ATP8A1: variants seen among roughly 807,000 people sequenced by gnomAD.
ATP8A1 encodes ATPase phospholipid transporting 8A1, also known as phospholipid-transporting ATPase IA.
ATP8A1 carries 90 observed loss-of-function variants against 177.7 expected under a neutral mutation model. The observed-to-expected ratio is 0.51, with a 90% CI of 0.43 to 0.60. The LOEUF (loss-of-function observed/expected upper bound fraction) is 0.60. ATP8A1 is among the 20% of genes least tolerant of loss of function. The probability of loss-of-function intolerance (pLI) is 0.00; values close to 1 mark genes in which losing one functional copy is unlikely to be tolerated. For missense variants in ATP8A1, 1,072 were observed against 1,392.8 expected (o/e 0.77, Z 3.67); for synonymous variants, 493 against 485.9 (o/e 1.01, Z -0.19).
chr4:42,572,402 T>G (rs963933197), intron 14 of ATP8A1, among the ~76,000 whole-genome samples: 1 of 152,200 alleles, frequency 6.6e-6, no homozygotes, highest in South Asian at 2.1e-4. Context: ...CCATGGAGAC[T>G]GGCTGTAATT....
intron 5 of ATP8A1, among the ~76,000 whole-genome samples, chr4:42,608,046 G>A (rs933866079): frequency 8.5e-5 from 13 of 152,232 alleles, no homozygotes; most frequent in African/African-American, 2.9e-4. Context: ...GGAGAGCTCA[G>A]ACTAAACAAT....
At chr4:42,460,545 G>A (rs1719013233) in intron 27 of ATP8A1, among the ~76,000 whole-genome samples, 1 of 152,034 alleles carries the variant, frequency 6.6e-6, no homozygotes. Context: ...CTGCCACCAT[G>A]CCCAGCTAAT....
intron 31 of ATP8A1, 102 bp from the exon 32 acceptor site, chr4:42,444,736 G>T: frequency 8.5e-7 from 1 of 1,178,104 alleles, no homozygotes. Flanking sequence ...TGTAACTATG[G>T]GACTAGGAGA....
intron 33 of ATP8A1, among the ~76,000 whole-genome samples, chr4:42,436,376 C>G (rs752309463): frequency 6.6e-6 from 1 of 152,220 alleles, no homozygotes; most frequent in Non-Finnish European, 1.5e-5. Context: ...AAACACAATG[C>G]TGGTTCTCGT....
chr4:42,510,395 T>C (rs1358297100), intron 22 of ATP8A1, among the ~76,000 whole-genome samples: 1 of 152,210 alleles, frequency 6.6e-6, no homozygotes, highest in Non-Finnish European at 1.5e-5. Flanking sequence ...ATTTAAATGT[T>C]TACACAATGA....
chr4:42,577,518 C>G (rs566211830), intron 12 of ATP8A1, among the ~76,000 whole-genome samples: 35 of 151,944 alleles, frequency 2.3e-4, no homozygotes, highest in Admixed American at 2.3e-3. Context: ...AAAGAAACAT[C>G]AAAAATAACA....
intron 34 of ATP8A1, 26 bp downstream of exon 34, chr4:42,423,591 C>T: frequency 6.8e-7 from 1 of 1,471,448 alleles, no homozygotes; most frequent in Non-Finnish European, 9.4e-7. Flanking sequence ...CTATATTTCT[C>T]CGTATATAAC....
rs114525328 is a variant in ATP8A1 at position 42,570,605 on chromosome 4, G to A, written c.1296-1400C>T. On this transcript the variant is annotated intron_variant, in intron 14 of 36. Transcript: ENST00000381668. ...CAGAGACCCTCTTCACAACTCTGGC[G>A]CAGCCCTGGAAGAATGCTGAGCACT... Among the ~76,000 whole-genome samples the A allele has an allele frequency of 6.2e-3, 940 of 152,314 alleles. 11 individuals are homozygous for A. The highest frequency in any genetic ancestry group is 0.021 in the African/African-American group (881 of 41,562).
Position 42,627,116 on chromosome 4 carries a change from AAG to A in ATP8A1, c.50-9_50-8del. ...TCATCTGTCTTCTCATAACCTTAAA[AAG>A]AGATCTTCTTATTGTACAAGAAATG... On this transcript the variant is annotated splice_region_variant and splice_polypyrimidine_tract_variant and intron_variant, in intron 1 of 36. Transcript: ENST00000381668. The A allele has an allele frequency of 6.3e-7, 1 of 1,597,680 alleles. No individual in the cohort carries two copies. Among genetic ancestry groups the A allele is most frequent in the Non-Finnish European group, 8.6e-7 (1 of 1,165,490 alleles).
chr4:42,505,219 T>C (rs1269330079), intron 23 of ATP8A1, among the ~76,000 whole-genome samples: 3 of 152,214 alleles, frequency 2.0e-5, no homozygotes, highest in African/African-American at 7.2e-5. Flanking sequence ...ACTTAACCAG[T>C]ACCTGGCACT....
At chr4:42,637,639 G>C (rs1739528996) in intron 1 of ATP8A1, among the ~76,000 whole-genome samples, 1 of 152,190 alleles carries the variant, frequency 6.6e-6, no homozygotes, top group African/African-American at 2.4e-5. Context: ...CCAAAGGCAA[G>C]ACAACATTTG....
chr4:42,584,170 A>G (rs1429741736), intron 9 of ATP8A1, among the ~76,000 whole-genome samples: 1 of 152,224 alleles, frequency 6.6e-6, no homozygotes, highest in Non-Finnish European at 1.5e-5. Flanking sequence ...CAGGCTGCTG[A>G]GTTCAACTAG....
chr4:42,586,203 C>A, intron 9 of ATP8A1, 146 bp downstream of exon 9: 1 of 811,886 alleles, frequency 1.2e-6, no homozygotes, highest in Non-Finnish European at 1.9e-6. Flanking sequence ...CAGAAGGACT[C>A]AGGGCAGAAT....
intron 1 of ATP8A1, among the ~76,000 whole-genome samples, chr4:42,654,680 G>A (rs913251171): frequency 6.6e-6 from 1 of 152,134 alleles, no homozygotes. Context: ...TAACTTTAAT[G>A]TTTTCAAGAG....
chr4:42,621,759 C>T (rs28579811), intron 4 of ATP8A1, among the ~76,000 whole-genome samples: 34,353 of 152,020 alleles, frequency 0.23, 4,360 homozygotes, highest in Non-Finnish European at 0.29. Context: ...AAAAGACAGC[C>T]CAAATAGCCA....
intron 20 of ATP8A1, among the ~76,000 whole-genome samples, chr4:42,539,594 CA>C (rs1728186547): frequency 6.6e-6 from 1 of 151,820 alleles, no homozygotes; most frequent in Admixed American, 6.6e-5. Flanking sequence ...GGTATTGGTA[CA>C]AAAATAGACA....
intron 4 of ATP8A1, among the ~76,000 whole-genome samples, chr4:42,618,247 C>T (rs1737108273): frequency 6.6e-6 from 1 of 152,222 alleles, no homozygotes; most frequent in African/African-American, 2.4e-5. Context: ...GTCTCCTCTG[C>T]CTACTTGCTA....
At chr4:42,540,240 C>A (rs1010639925) in intron 20 of ATP8A1, among the ~76,000 whole-genome samples, 8 of 152,046 alleles carry the variant, frequency 5.3e-5, no homozygotes, top group Admixed American at 2.0e-4. Context: ...ATGTATCTTA[C>A]CCCAGTCAGA....
intron 25 of ATP8A1, among the ~76,000 whole-genome samples, chr4:42,484,774 T>C (rs1722026328): frequency 1.3e-5 from 2 of 152,212 alleles, no homozygotes; most frequent in Admixed American, 6.5e-5. Context: ...TCTAGACTGA[T>C]CAACTCCTAA....
Sources: gnomAD v4.1 joint callset for allele counts (sites outside exome capture counted in the v4.1 genomes callset) on GRCh38, gnomAD v4.1.1 for gene constraint, MANE v1.5 for transcripts, NCBI Gene and HGNC (gene_info 2026-07-23, HGNC 2026-07-21) for gene names.